Variants in KDM2B observed in about 807,000 individuals in gnomAD.
KDM2B encodes lysine demethylase 2B.
A neutral mutation model predicts 150.0 loss-of-function variants in KDM2B; 26 were observed. The ratio of observed to expected loss-of-function variants is 0.17; its 90% CI spans 0.13 to 0.24. KDM2B has a LOEUF of 0.24. KDM2B is among the 10% of genes least tolerant of loss of function. The pLI, the probability that KDM2B is intolerant of heterozygous loss-of-function variation, is 1.00. For synonymous variants in KDM2B, 734 were observed against 729.5 expected (o/e 1.01, Z -0.10); for missense variants, 1,265 against 1,816.9 (o/e 0.70, Z 5.52).
intron 12 of KDM2B, among the ~76,000 whole-genome samples, chr12:121,466,238 C>A (rs1210012419): frequency 6.6e-6 from 1 of 152,196 alleles, no homozygotes; most frequent in Non-Finnish European, 1.5e-5. Context: ...CCGTCCAATG[C>A]CACATGCTAA....
intron 2 of KDM2B, among the ~76,000 whole-genome samples, chr12:121,576,483 C>T (rs1246916216): frequency 6.6e-6 from 1 of 152,170 alleles, no homozygotes; most frequent in Non-Finnish European, 1.5e-5. Flanking sequence ...TCTGCTGTAG[C>T]CATCACAGTC....
chr12:121,547,490 G>C (rs1415656693), intron 6 of KDM2B, among the ~76,000 whole-genome samples: 1 of 152,170 alleles, frequency 6.6e-6, no homozygotes, highest in African/African-American at 2.4e-5. Context: ...AGGGCTGAGT[G>C]AATGAAAAGT....
intron 12 of KDM2B, among the ~76,000 whole-genome samples, chr12:121,462,988 T>G (rs1375264025): frequency 6.9e-6 from 1 of 144,460 alleles, no homozygotes. Flanking sequence ...CACTCCAGCC[T>G]GTGCAACAAA....
the KDM2B span, among the ~76,000 whole-genome samples, chr12:121,419,243 C>T: frequency 7.2e-4 from 109 of 152,298 alleles, no homozygotes; most frequent in Non-Finnish European, 1.2e-3. Context: ...AGTACACTAA[C>T]GTGATGTACG....
the KDM2B span, chr12:121,416,114 A>G: frequency 6.5e-7 from 1 of 1,529,690 alleles, no homozygotes; most frequent in African/African-American, 1.4e-5. Context: ...CAGAGAGCCC[A>G]GATTCCACTT....
chr12:121,529,811 T>C (rs1887475539), intron 8 of KDM2B, among the ~76,000 whole-genome samples: 1 of 151,352 alleles, frequency 6.6e-6, no homozygotes, highest in South Asian at 2.1e-4. Context: ...GTACCTGTAA[T>C]CTCAGCTACT....
At chr12:121,579,436 G>T (rs1891767630) in intron 1 of KDM2B, among the ~76,000 whole-genome samples, 1 of 152,100 alleles carries the variant, frequency 6.6e-6, no homozygotes, top group African/African-American at 2.4e-5. Context: ...AGCTGGAGCC[G>T]CCCCCGAGCT....
Position 121,516,373 on chromosome 12 carries a change from A to T in KDM2B, c.1048-2971T>A, listed in dbSNP as rs927259806. The T allele has an allele frequency of 2.6e-5, 19 of 742,482 alleles. No homozygotes were observed. In the Admixed American group the frequency reaches 4.6e-4, roughly 18 times the overall value. 46.0% of individuals were successfully genotyped at this position (742,482 alleles called of 1,614,324 possible). On this transcript the variant is annotated intron_variant, in intron 9 of 22. Coordinates refer to ENST00000377071, the MANE Select transcript of KDM2B (RefSeq NM_032590.5). ...AATGGAAACCAGCTGGGTGAAAACA[A>T]ATGCTGATGAAGGAATTCAAATTTT...
chr12:121,439,229 A>C (rs1555287524), intron 22 of KDM2B, among the ~76,000 whole-genome samples: 1 of 151,978 alleles, frequency 6.6e-6, no homozygotes, highest in East Asian at 1.9e-4. Context: ...CCACTGTCTC[A>C]ACACCCTGGT....
At chr12:121,506,395 C>T (rs1341140357) in intron 11 of KDM2B, among the ~76,000 whole-genome samples, 1 of 152,128 alleles carries the variant, frequency 6.6e-6, no homozygotes, top group African/African-American at 2.4e-5. Flanking sequence ...GCACCCACGT[C>T]CCCCAGGCAA....
rs1874892882 is a variant in KDM2B at position 121,440,820 on chromosome 12, C to T, written c.3606G>A (p.Arg1202=). ...RDLLSPPTDN[R]PGQMDNRSKL... ...ACCCCCAGCCTGGCAACTCACCTGGCCTGTTGTCTGTGGGCGGGGACAGGA... is the reference window on the plus strand; with the variant it reads ...ACCCCCAGCCTGGCAACTCACCTGGTCTGTTGTCTGTGGGCGGGGACAGGA... The change falls in exon 21 of 23, where the codon AGG becomes AGA. Residue 1202 remains arginine (R), a synonymous_variant. Coordinates refer to ENST00000377071, the MANE Select transcript of KDM2B (RefSeq NM_032590.5). 3 of 1,609,220 alleles carry T rather than the reference C, an allele frequency of 1.9e-6. No individual in the cohort carries two copies. The highest frequency in any genetic ancestry group is 1.7e-5 in the Admixed American group (1 of 59,600).
chr12:121,467,354 G>C lies in KDM2B; in HGVS notation c.1735-14010C>G. On this transcript the variant is annotated intron_variant, in intron 12 of 22. Transcript: ENST00000377071. The surrounding 1 kb of genome is among the most constrained non-coding windows in gnomAD (Gnocchi z 5.1). ...CCCGCTGCCGCGAGGAGGGAGCCGC[G>C]CCGCGCGCCTCGCACGCCCGCGCTG... The C allele has an allele frequency of 1.0e-6, 1 of 981,586 alleles. No homozygotes were observed. Among genetic ancestry groups the C allele is most frequent in the Non-Finnish European group, 1.2e-6 (1 of 828,352 alleles). The allele number at this position is 981,586 out of a possible 1,614,324, so 60.8% of individuals were successfully genotyped here. A position where few individuals can be genotyped will look rare whatever the true frequency, so the allele number is the denominator to read the frequency against.
chr12:121,542,266 C>T (rs529047966), intron 6 of KDM2B, among the ~76,000 whole-genome samples: 5 of 152,184 alleles, frequency 3.3e-5, no homozygotes, highest in African/African-American at 9.7e-5. Context: ...ATCTTGGAAG[C>T]GGATCTTCCA....
chr12:121,554,254 G>A (rs1380690862), intron 4 of KDM2B, among the ~76,000 whole-genome samples: 2 of 151,956 alleles, frequency 1.3e-5, no homozygotes, highest in African/African-American at 4.8e-5. Context: ...AAAAAAAGTG[G>A]GGTGAAATGA....
chr12:121,581,288 G>A (rs181630689), upstream of KDM2B: 1 of 182,686 alleles, frequency 5.5e-6, no homozygotes, highest in African/African-American at 2.4e-5. Context: ...GTAGTTTATA[G>A]AAGACAAGTC....
At chr12:121,527,198 C>T (rs1269928692) in intron 8 of KDM2B, among the ~76,000 whole-genome samples, 4 of 149,734 alleles carry the variant, frequency 2.7e-5, no homozygotes, top group Admixed American at 1.3e-4. Flanking sequence ...CATAGGCACC[C>T]GCCGCCACGC....
intron 8 of KDM2B, among the ~76,000 whole-genome samples, chr12:121,529,117 A>G (rs1157806633): frequency 1.3e-5 from 2 of 152,248 alleles, no homozygotes; most frequent in African/African-American, 4.8e-5. Context: ...ATCCAACAGC[A>G]TATCAACAAG....
chr12:121,478,209 C>T (rs1219085200), intron 12 of KDM2B, among the ~76,000 whole-genome samples: 2 of 151,534 alleles, frequency 1.3e-5, no homozygotes, highest in Non-Finnish European at 2.9e-5. Context: ...TTCAGCAGTA[C>T]ATGGGCGGGT....
rs1383250044 is a variant in KDM2B, at chr12:121,537,079, C to G, written c.684-2489G>C. Among the ~76,000 whole-genome samples, 2 of 152,196 alleles carry G rather than the reference C, an allele frequency of 1.3e-5. No individual in the cohort carries two copies. The highest frequency in any genetic ancestry group is 2.9e-5 in the Non-Finnish European group (2 of 68,016). On this transcript the variant is annotated intron_variant, in intron 6 of 22. Coordinates refer to ENST00000377071, the MANE Select transcript of KDM2B (RefSeq NM_032590.5). The surrounding 1 kb of genome is among the most constrained non-coding windows in gnomAD (Gnocchi z 8.7). ...CTGGGGCCGCCTCTTCCAGACCTGC[C>G]TCTCCCGGAGAGGCCCCTCCTCCCG...
Sources: allele counts gnomAD v4.1 joint callset (sites outside exome capture counted in the v4.1 genomes callset), GRCh38; gene constraint gnomAD v4.1.1; non-coding constraint Gnocchi (gnomAD v3.1); transcripts MANE v1.5; gene names NCBI Gene and HGNC (gene_info 2026-07-23, HGNC 2026-07-21).